The following ERC2 variants were observed in gnomAD, a reference collection of about 807,000 sequenced individuals.
The protein encoded by ERC2 is ERC protein 2.
In ERC2, 42 loss-of-function variants were observed where a neutral mutation model predicts 114.8. That is an observed-to-expected ratio of 0.37 (90% CI 0.29 to 0.47). ERC2 has a LOEUF of 0.47. Among genes scored for constraint, ERC2 ranks in the 20% least tolerant of loss-of-function variants. The pLI is 0.99. For synonymous variants in ERC2, 454 were observed against 425.5 expected (o/e 1.07, Z -0.82); for missense variants, 939 against 1,150.7 (o/e 0.82, Z 2.66).
In ERC2 at chr3:55,699,483, G is replaced by C. The variant is rs751808952; in HGVS notation, c.2742C>G (p.Asp914Glu). 2 of 1,613,198 alleles carry C rather than the reference G, an allele frequency of 1.2e-6. No individual in the cohort carries two copies. ...QTQNRMKLMA[D>E]NYDDDHHHYH... is the part of the protein sequence containing the mutation. Reference sequence around the variant, plus strand: ...AATGGTGATGGTCATCATCATAGTTGTCTGCCATCAACTTCATTCTGTTCT... The same window carrying C: ...AATGGTGATGGTCATCATCATAGTTCTCTGCCATCAACTTCATTCTGTTCT... The change falls in exon 16 of 18, where the codon GAC (aspartate) becomes GAG (glutamate). Residue 914 changes from aspartate to glutamate, a missense_variant. By Grantham distance (45) the Asp-to-Glu change is conservative. Coordinates refer to ENST00000288221, the MANE Select transcript of ERC2 (RefSeq NM_015576.3).
chr3:56,301,385 T>C (rs1317902191), intron 2 of ERC2, among the ~76,000 whole-genome samples: 4 of 152,234 alleles, frequency 2.6e-5, no homozygotes, highest in Non-Finnish European at 5.9e-5. Context: ...ATCTTGTTCC[T>C]ACAAAAAAGA....
intron 5 of ERC2, 96 bp from the exon 6 acceptor site, chr3:56,139,772 T>C: frequency 6.0e-6 from 8 of 1,334,604 alleles, no homozygotes; most frequent in Non-Finnish European, 8.3e-6. Flanking sequence ...CAGCAGCCAG[T>C]GATCAATAAT....
chr3:56,227,354 C>T (rs1261744568), intron 3 of ERC2, among the ~76,000 whole-genome samples: 3 of 151,282 alleles, frequency 2.0e-5, no homozygotes, highest in Non-Finnish European at 4.4e-5. Flanking sequence ...AGCACACTGA[C>T]AGCCTCCAAC....
At chr3:55,920,658 CTTCT>C (rs1239270409) in intron 13 of ERC2, among the ~76,000 whole-genome samples, 2 of 152,080 alleles carry the variant, frequency 1.3e-5, no homozygotes, top group African/African-American at 4.8e-5. Flanking sequence ...CCCTTTAGTG[CTTCT>C]TTATCTGCTT....
chr3:55,877,085 A>G (rs2062884037), intron 14 of ERC2, among the ~76,000 whole-genome samples: 1 of 152,204 alleles, frequency 6.6e-6, no homozygotes, highest in Admixed American at 6.5e-5. Flanking sequence ...ACACCAGTAT[A>G]AAAAATGAGG....
intron 14 of ERC2, among the ~76,000 whole-genome samples, chr3:55,865,783 C>T (rs963740110): frequency 6.6e-6 from 1 of 152,072 alleles, no homozygotes; most frequent in African/African-American, 2.4e-5. Context: ...TCTATCAATA[C>T]TTCATTTCTT....
At chr3:56,359,705 AGCATCT>A (rs2058876201) in intron 2 of ERC2, among the ~76,000 whole-genome samples, 1 of 152,256 alleles carries the variant, frequency 6.6e-6, no homozygotes, top group South Asian at 2.1e-4. Context: ...GCATGGTGCC[AGCATCT>A]GCATCTGATG....
At chr3:56,264,825 C>A (rs1485879711) in intron 3 of ERC2, among the ~76,000 whole-genome samples, 22 of 140,180 alleles carry the variant, frequency 1.6e-4, no homozygotes, top group Admixed American at 2.1e-4. Context: ...ATGACCTATC[C>A]AAAAAAAAAA....
intron 17 of ERC2, among the ~76,000 whole-genome samples, chr3:55,607,614 G>GTT (rs367596448): frequency 0.024 from 3,130 of 132,218 alleles, 75 homozygotes; most frequent in African/African-American, 0.057. Context: ...AAAATAGTGT[G>GTT]TTTTTTTTTT....
At chr3:56,285,910 AG>A (rs1179678474) in intron 3 of ERC2, among the ~76,000 whole-genome samples, 1 of 152,196 alleles carries the variant, frequency 6.6e-6, no homozygotes, top group East Asian at 1.9e-4. Context: ...TTATCAGGTA[AG>A]GAAGTCCTAA....
chr3:55,873,897 T>C (rs994970776), intron 14 of ERC2, among the ~76,000 whole-genome samples: 4 of 152,254 alleles, frequency 2.6e-5, no homozygotes, highest in South Asian at 2.1e-4. Flanking sequence ...TGCATTCTGA[T>C]GTCTCATCCT....
intron 3 of ERC2, among the ~76,000 whole-genome samples, chr3:56,224,978 C>G (rs1371740553): frequency 6.6e-6 from 1 of 152,080 alleles, no homozygotes; most frequent in African/African-American, 2.4e-5. Flanking sequence ...TAAGAGGGGA[C>G]CTGCTCCCAT....
chr3:56,144,248 C>A (rs745478024), intron 5 of ERC2, among the ~76,000 whole-genome samples: 15 of 152,040 alleles, frequency 9.9e-5, no homozygotes, highest in Non-Finnish European at 1.9e-4. Flanking sequence ...TTATGTGGAA[C>A]AAAAGTAAGA....
chr3:55,627,531 AT>A (rs1196679851), intron 17 of ERC2, among the ~76,000 whole-genome samples: 1 of 152,198 alleles, frequency 6.6e-6, no homozygotes, highest in Non-Finnish European at 1.5e-5. Flanking sequence ...TTTAACAATC[AT>A]TTTTAGCAGA....
At chr3:56,156,998 G>A (rs1021538560) in intron 4 of ERC2, among the ~76,000 whole-genome samples, 1 of 152,110 alleles carries the variant, frequency 6.6e-6, no homozygotes, top group Non-Finnish European at 1.5e-5. Context: ...CACTGTGCTA[G>A]GAAATTCTCA....
chr3:55,718,332 T>C (rs1419375557), intron 15 of ERC2, among the ~76,000 whole-genome samples: 1 of 152,038 alleles, frequency 6.6e-6, no homozygotes, highest in African/African-American at 2.4e-5. Context: ...TTTGAGTCCG[T>C]TAAGGGTGAT....
chr3:56,034,874 AAAGATAT>A (rs1471463091), intron 7 of ERC2, among the ~76,000 whole-genome samples: 1 of 152,078 alleles, frequency 6.6e-6, no homozygotes, highest in Non-Finnish European at 1.5e-5. Flanking sequence ...AAGGAAAAAG[AAAGATAT>A]CAAATAAACA....
chr3:55,953,169 C>T (rs1287589971), intron 12 of ERC2, among the ~76,000 whole-genome samples: 2 of 149,302 alleles, frequency 1.3e-5, no homozygotes, highest in African/African-American at 4.9e-5. Context: ...CACACCACTG[C>T]ACTCCAGCCT....
intron 7 of ERC2, among the ~76,000 whole-genome samples, chr3:56,047,073 C>T (rs1462374245): frequency 6.6e-6 from 1 of 152,182 alleles, no homozygotes; most frequent in Admixed American, 6.5e-5. Context: ...TTCAGGGTCC[C>T]TTAAACTTTC....
Sources: allele counts gnomAD v4.1 joint callset (sites outside exome capture counted in the v4.1 genomes callset), GRCh38; gene constraint gnomAD v4.1.1; transcripts MANE v1.5; gene names NCBI Gene and HGNC (gene_info 2026-07-23, HGNC 2026-07-21).